TH: variants seen among roughly 807,000 people sequenced by gnomAD.
TH encodes the protein tyrosine hydroxylase, also known as tyrosine 3-monooxygenase.
TH carries 49 observed loss-of-function variants against 57.4 expected under a neutral mutation model. The observed-to-expected ratio is 0.85, with a 90% CI of 0.68 to 1.08. The LOEUF is 1.08. TH is among the 50% of genes least tolerant of loss of function. The pLI is 0.00. For missense variants in TH, 720 were observed against 696.7 expected, an observed-to-expected ratio of 1.03 and a Z score of -0.38; for synonymous variants, 330 against 304.5, an observed-to-expected ratio of 1.08 and a Z score of -0.87.
Position 2,171,646 on chromosome 11 carries a change from G to A in TH, c.90+51C>T, listed in dbSNP as rs1260146166. 2.5e-6 allele frequency: 4 copies of A among 1,592,280 alleles called. No individual in the cohort carries two copies. In the Admixed American group the frequency reaches 6.7e-5, roughly 27 times the overall value. On this transcript the variant is annotated intron_variant, in intron 1 of 12. Coordinates refer to ENST00000352909, the MANE Select transcript of TH (RefSeq NM_000360.4). The surrounding 1 kb of genome is among the most constrained non-coding windows in gnomAD (Gnocchi z 8.6). The stretch of plus-strand genomic sequence containing the variant: ...GGAGTAGCAGAGGCAGCTGGCACCA[G>A]CCCTGGGCTCCGGTCCACTGCGGCC...
In TH at chr11:2,168,566, G is replaced by C; in HGVS notation, c.412C>G (p.Arg138Gly). The change falls in exon 3 of 13, where the codon CGA becomes GGA. Residue 138 changes from arginine (R) to glycine (G), a missense_variant. Arg to Gly is a moderately radical substitution (Grantham distance 125). Transcript: ENST00000352909. Reference protein sequence around the residue: ...LEYFVRLEVRRGDLAALLSGV... With the variant: ...LEYFVRLEVRGGDLAALLSGV... ...CTGAGCAGGGCGGCCAGGTCCCCTCGGCGCACCTCGAGGCGCACGAAGTAC... is the reference window on the plus strand; with the variant it reads ...CTGAGCAGGGCGGCCAGGTCCCCTCCGCGCACCTCGAGGCGCACGAAGTAC... 2 of 1,611,780 alleles carry C rather than the reference G, an allele frequency of 1.2e-6. No individual in the cohort carries two copies. Among genetic ancestry groups the C allele is most frequent in the Non-Finnish European group, 1.7e-6 (2 of 1,179,632 alleles).
At position 2,171,422 on chromosome 11, in the gene TH, C is replaced by T. The variant is rs1846254342; in HGVS notation, c.90+275G>A. 1.3e-5 allele frequency among the ~76,000 whole-genome samples: 2 copies of T among 151,682 alleles called. No homozygotes were observed. The highest frequency in any genetic ancestry group is 2.9e-5 in the Non-Finnish European group (2 of 67,884). Reference sequence around the variant, plus strand: ...CCGATCGTTAAGATTCAAGATGAAACAAGACACAGAGACCCACACGACCCC... The same window carrying T: ...CCGATCGTTAAGATTCAAGATGAAATAAGACACAGAGACCCACACGACCCC... On this transcript the variant is annotated intron_variant, in intron 1 of 12. Transcript: ENST00000352909. The surrounding 1 kb of genome is among the most constrained non-coding windows in gnomAD (Gnocchi z 8.6).
Position 2,168,182 on chromosome 11 carries a change from T to G in TH, c.488-3A>C. The G allele has an allele frequency of 6.2e-7, 1 of 1,613,130 alleles. No homozygotes were observed. Among genetic ancestry groups the G allele is most frequent in the Non-Finnish European group, 8.5e-7 (1 of 1,179,832 alleles). ...CACTTTTCTTGGGAACCAGGGGACT[T>G]TATGGGTGATGGAGGAAGAGATCTT... On this transcript the variant is annotated splice_region_variant and splice_polypyrimidine_tract_variant and intron_variant, in intron 3 of 12. Transcript: ENST00000352909.
chr11:2,166,028 C>A lies in TH; in HGVS notation c.1078G>T (p.Asp360Tyr). ...GTGGACAGCTTCTCAATTTCCTCAT[C>A]CGAGGCCCCCAGGGACGCCAGGCCA... ...DIGLASLGAS[D>Y]EEIEKLSTLY... Residue 360 changes from aspartate to tyrosine, a missense_variant, in exon 10 of 13, where the codon GAT (aspartate) becomes TAT (tyrosine). Transcript: ENST00000352909. The A allele has an allele frequency of 6.4e-7, 1 of 1,560,244 alleles. No individual in the cohort carries two copies. Among genetic ancestry groups the A allele is most frequent in the East Asian group, 2.4e-5 (1 of 42,544 alleles).
chr11:2,169,083 G>T (rs1846183637), intron 2 of TH, among the ~76,000 whole-genome samples: 2 of 152,294 alleles, frequency 1.3e-5, no homozygotes, highest in Admixed American at 1.3e-4. Context: ...TGGCCAGAAG[G>T]GTCCGCTCCA....
chr11:2,165,385 A>T lies in TH; in HGVS notation c.1201-20T>A. ...GCAGTGCTGGCAGGAGGCCAATGGC[A>T]TCACTGACTCCACTGCACCCAGGTC... On this transcript the variant is annotated intron_variant, in intron 11 of 12. Coordinates refer to ENST00000352909, the MANE Select transcript of TH (RefSeq NM_000360.4). The T allele has an allele frequency of 6.2e-7, 1 of 1,606,842 alleles. No homozygotes were observed.
At chr11:2,164,816 C>T (rs541885729) in intron 12 of TH, among the ~76,000 whole-genome samples, 1 of 152,222 alleles carries the variant, frequency 6.6e-6, no homozygotes, top group South Asian at 2.1e-4. Flanking sequence ...GCTTTGCTCC[C>T]CTCTCCTGAC....
At position 2,170,974 on chromosome 11, in the gene TH, A is replaced by G. The variant is rs775467599; in HGVS notation, c.90+723T>C. On this transcript the variant is annotated intron_variant, in intron 1 of 12. Transcript: ENST00000352909. The surrounding 1 kb of genome is among the most constrained non-coding windows in gnomAD (Gnocchi z 6.0). ...CAAGGTTCTGAGTGCCCAAGGAGGC[A>G]CCGAAGACCCCTCCTGTGGGCTGAA... Among the ~76,000 whole-genome samples the G allele has an allele frequency of 2.0e-5, 3 of 152,072 alleles. No individual in the cohort carries two copies. The highest frequency in any genetic ancestry group is 4.4e-5 in the Non-Finnish European group (3 of 68,010).
At chr11:2,167,978 G>T (rs753414287) in intron 4 of TH, 45 bp from the exon 5 acceptor site, 4 of 1,608,920 alleles carry the variant, frequency 2.5e-6, no homozygotes, top group Admixed American at 1.7e-5. Context: ...GTGCTGGGGT[G>T]GGGGCACAGG....
intron 2 of TH, 98 bp downstream of exon 2, chr11:2,169,552 G>A (rs1054295729): frequency 8.0e-7 from 1 of 1,242,728 alleles, no homozygotes; most frequent in Non-Finnish European, 1.2e-6. Flanking sequence ...CGGGGGCCTG[G>A]GCAGCTGCAC....
At position 2,166,633 on chromosome 11, in the gene TH, G is replaced by A. The variant is rs1254752061; in HGVS notation, c.977C>T (p.Pro326Leu). The part of the protein sequence containing the change: ...HASSPMHSPE[P>L]DCCHELLGHV... ...GCTGGCGGCCAGGGCGCGCACTCACGGCTCAGGGGAGTGCATGGGCGAGGA... is the reference window on the plus strand; with the variant it reads ...GCTGGCGGCCAGGGCGCGCACTCACAGCTCAGGGGAGTGCATGGGCGAGGA... The change falls in exon 8 of 13, where the codon CCG (proline) becomes CTG (leucine). Residue 326 changes from proline to leucine, a missense_variant and splice_region_variant. By Grantham distance (98) the Pro-to-Leu change is moderately conservative. Coordinates refer to ENST00000352909, the MANE Select transcript of TH (RefSeq NM_000360.4). The A allele has an allele frequency of 6.3e-7, 1 of 1,580,096 alleles. No individual in the cohort carries two copies. The highest frequency in any genetic ancestry group is 1.2e-5 in the South Asian group (1 of 86,544).
At position 2,167,855 on chromosome 11, in the gene TH, G is replaced by A. The variant is rs1380544314; in HGVS notation, c.644+11C>T. ...GACGGAGTCTGGGTCCCGAGCGCAG[G>A]GGCCCCTCACTGCCTGTACTGGAAG... On this transcript the variant is annotated intron_variant, in intron 5 of 12. Coordinates refer to ENST00000352909, the MANE Select transcript of TH (RefSeq NM_000360.4). 1.9e-6 allele frequency: 3 copies of A among 1,597,480 alleles called. No homozygotes were observed. Among genetic ancestry groups the A allele is most frequent in the Non-Finnish European group, 2.6e-6 (3 of 1,172,044 alleles).
At position 2,169,725 on chromosome 11, in the gene TH, C is replaced by T. The variant is rs1846200588; in HGVS notation, c.237G>A (p.Lys79=). The change falls in exon 2 of 13, where the codon AAG becomes AAA. Residue 79 remains lysine (K), a synonymous_variant. Coordinates refer to ENST00000352909, the MANE Select transcript of TH (RefSeq NM_000360.4). ...EAVAFEEKEG[K]AVLNLLFSPR... ...GGGAGAAGAGCAGGTTTAGCACGGC[C>T]TTCCCCTCCTTCTCCTCAAAGGCCA... is the stretch of plus-strand genomic sequence containing the variant. The T allele has an allele frequency of 6.2e-7, 1 of 1,612,928 alleles. No individual in the cohort carries two copies. The highest frequency in any genetic ancestry group is 8.5e-7 in the Non-Finnish European group (1 of 1,179,890).
chr11:2,164,432 C>T (rs1846027341), intron 12 of TH, 40 bp from the exon 13 acceptor site: 1 of 1,542,206 alleles, frequency 6.5e-7, no homozygotes, highest in Non-Finnish European at 8.7e-7. Context: ...AACTGGCGGG[C>T]AGAGTCTGCA....
intron 2 of TH, among the ~76,000 whole-genome samples, chr11:2,169,087 C>A (rs951501016): frequency 6.6e-6 from 1 of 152,126 alleles, no homozygotes; most frequent in Admixed American, 6.5e-5. Flanking sequence ...CAGAAGGGTC[C>A]GCTCCACCCC....
intron 2 of TH, 76 bp from the exon 3 acceptor site, chr11:2,168,741 G>GGGGGGGGGGGGGGGCGCCC: frequency 2.2e-6 from 1 of 452,424 alleles, no homozygotes; most frequent in Non-Finnish European, 4.5e-6. Context: ...GGTGGGCGGG[G>GGGGGGGGGGGGGGGCGCCC]AGGAGGCACA....
In TH at chr11:2,170,803, G is replaced by A. The variant is rs755072185; in HGVS notation, c.90+894C>T. 2.2e-6 allele frequency: 2 copies of A among 916,248 alleles called. No individual in the cohort carries two copies. Among genetic ancestry groups the A allele is most frequent in the Non-Finnish European group, 3.4e-6 (2 of 596,682 alleles). The allele number at this position is 916,248 out of a possible 1,614,324, so 56.8% of individuals were successfully genotyped here. ...GGGGATGCCTGATGGGGAGCCTGGT[G>A]GGGGAGGGTAGGGGAGGGCGGGGGA... On this transcript the variant is annotated intron_variant, in intron 1 of 12. Transcript: ENST00000352909. This position sits in a 1 kb window ranked among gnomAD's most constrained non-coding sequence, Gnocchi z 6.0.
Position 2,164,187 on chromosome 11 carries a change from G to A in TH, c.*46C>T. 1 of 1,412,852 alleles carries A rather than the reference G, an allele frequency of 7.1e-7. No individual in the cohort carries two copies. The allele number at this position is 1,412,852 out of a possible 1,614,324, so 87.5% of individuals were successfully genotyped here. A position where few individuals can be genotyped will look rare whatever the true frequency, so the allele number is the denominator to read the frequency against. Reference sequence around the variant, plus strand: ...ACCAGGGCCTGAGCTCCGGGACAGTGCAGGACCAGGGGAGGTTGGGAAGGG... The same window carrying A: ...ACCAGGGCCTGAGCTCCGGGACAGTACAGGACCAGGGGAGGTTGGGAAGGG... On this transcript the variant is annotated 3_prime_UTR_variant, in exon 13 of 13. Transcript: ENST00000352909.
intron 9 of TH, chr11:2,166,262 G>C: frequency 2.3e-6 from 2 of 855,904 alleles, no homozygotes; most frequent in South Asian, 3.4e-5. Flanking sequence ...CTAAGCCCGT[G>C]GGCGCCGTTC....
Sources: gnomAD v4.1 joint callset for allele counts (sites outside exome capture counted in the v4.1 genomes callset) on GRCh38, gnomAD v4.1.1 for gene constraint, Gnocchi (gnomAD v3.1) non-coding constraint, MANE v1.5 for transcripts, NCBI Gene and HGNC (gene_info 2026-07-23, HGNC 2026-07-21) for gene names.